Variants in SUCLA2 observed in about 807,000 individuals in gnomAD.
SUCLA2 encodes the protein succinate-CoA ligase ADP-forming subunit beta.
Under a neutral mutation model 54.8 loss-of-function variants are expected in SUCLA2, and 30 were observed. That is an observed-to-expected ratio of 0.55 (90% confidence interval 0.41 to 0.74). The LOEUF is 0.74. SUCLA2 is among the 30% of genes least tolerant of loss of function. The pLI is 0.00. For missense variants in SUCLA2, 476 were observed against 562.9 expected, an observed-to-expected ratio of 0.85 and a Z score of 1.56; for synonymous variants, 172 against 188.9, an observed-to-expected ratio of 0.91 and a Z score of 0.74.
intron 10 of SUCLA2, among the ~76,000 whole-genome samples, chr13:47,947,967 T>TA (rs1949746185): frequency 6.6e-6 from 1 of 152,192 alleles, no homozygotes; most frequent in Non-Finnish European, 1.5e-5. Context: ...TTCTGACCCT[T>TA]ACAAAGAACT....
chr13:47,969,204 T>C (rs1322582611), intron 5 of SUCLA2, among the ~76,000 whole-genome samples: 1 of 152,182 alleles, frequency 6.6e-6, no homozygotes, highest in Non-Finnish European at 1.5e-5. Context: ...AAACCCCATC[T>C]CTACTAAAAA....
intron 8 of SUCLA2, among the ~76,000 whole-genome samples, chr13:47,952,495 C>T (rs1481384482): frequency 2.0e-5 from 3 of 152,086 alleles, no homozygotes; most frequent in Admixed American, 6.6e-5. Context: ...ACCTATTCCT[C>T]GACTTTGCCT....
chr13:47,976,187 C>G (rs944020435), intron 4 of SUCLA2, among the ~76,000 whole-genome samples: 2 of 152,132 alleles, frequency 1.3e-5, no homozygotes, highest in African/African-American at 4.8e-5. Context: ...ATAGGAAGCC[C>G]AAGACCTTGC....
chr13:47,996,819 CA>C (rs1252653718), intron 2 of SUCLA2, 23 bp downstream of exon 2: 7 of 1,611,534 alleles, frequency 4.3e-6, no homozygotes, highest in African/African-American at 1.3e-5. Context: ...GTCAAGGTGG[CA>C]AAAGCTTTTC....
rs1280840215 is a variant in SUCLA2, at chr13:47,956,781, T to TA, written c.803-2225dup. 52 of 152,268 alleles carry TA rather than the reference T, an allele frequency of 3.4e-4. 1 individual carries two copies. The highest frequency in any genetic ancestry group is 6.5e-5 in the Admixed American group (1 of 15,300). 9.4% of individuals were successfully genotyped at this position (152,268 alleles called of 1,614,324 possible). A position where few individuals can be genotyped will look rare whatever the true frequency, so the allele number is the denominator to read the frequency against. On this transcript the variant is annotated intron_variant, in intron 6 of 10. Transcript: ENST00000646932. The stretch of plus-strand genomic sequence containing the variant: ...GAATGCTACTGGATAAACATCCTGT[T>TA]AAACATCCGACCAAGCACAGGACAG...
rs545991765 is a variant in SUCLA2 at position 47,963,591 on chromosome 13, G to C, written c.802+5004C>G. On this transcript the variant is annotated intron_variant, in intron 6 of 10. Coordinates refer to ENST00000646932, the MANE Select transcript of SUCLA2 (RefSeq NM_003850.3). ...ACCCGGGAGGCGGAGGTTGCAGTGA[G>C]CTGAGATCACGCCACTGCACTCCAG... 2.6e-5 allele frequency among the ~76,000 whole-genome samples: 4 copies of C among 152,208 alleles called. No individual in the cohort carries two copies. The South Asian group carries it at 8.3e-4, about 32-fold the overall frequency.
chr13:47,973,143 TA>T, intron 5 of SUCLA2, 120 bp downstream of exon 5: 1 of 844,592 alleles, frequency 1.2e-6, no homozygotes, highest in Non-Finnish European at 1.9e-6. Flanking sequence ...AACAAGTTAT[TA>T]ACTTTCCTGA....
At chr13:47,980,273 G>C (rs1338912698) in intron 4 of SUCLA2, among the ~76,000 whole-genome samples, 1 of 152,092 alleles carries the variant, frequency 6.6e-6, no homozygotes, top group Admixed American at 6.5e-5. Flanking sequence ...AAATTAGCTG[G>C]GCGTGGTGGC....
chr13:47,972,190 G>A (rs1949972203), intron 5 of SUCLA2: 1 of 268,350 alleles, frequency 3.7e-6, no homozygotes, highest in East Asian at 6.1e-5. Flanking sequence ...AGAAGGCAGA[G>A]GTTGGAGTGA....
At chr13:47,968,226 G>C (rs1034889691) in intron 6 of SUCLA2, among the ~76,000 whole-genome samples, 2 of 152,082 alleles carry the variant, frequency 1.3e-5, no homozygotes, top group Non-Finnish European at 1.5e-5. Context: ...ACCACATTTG[G>C]CTATTGAGTA....
At chr13:47,985,440 A>G (rs1213818736) in intron 4 of SUCLA2, among the ~76,000 whole-genome samples, 1 of 126,176 alleles carries the variant, frequency 7.9e-6, no homozygotes, top group East Asian at 2.3e-4. Context: ...CCTTGTGTCC[A>G]TGTGTTCTCA....
intron 4 of SUCLA2, among the ~76,000 whole-genome samples, chr13:47,973,883 G>T (rs1949987712): frequency 6.6e-6 from 1 of 152,052 alleles, no homozygotes; most frequent in Non-Finnish European, 1.5e-5. Context: ...AGTGGGAACT[G>T]AACAATGAGA....
Position 47,949,032 on chromosome 13 carries a change from T to C in SUCLA2, c.1229-4A>G. 6.2e-7 allele frequency: 1 copy of C among 1,612,966 alleles called. No individual in the cohort carries two copies. Among genetic ancestry groups the C allele is most frequent in the Non-Finnish European group, 8.5e-7 (1 of 1,179,048 alleles). ...TTAGCATCATCGACTCGTGTACCTG[T>C]AAATGATTTATGCAAATATAAATGT... On this transcript the variant is annotated splice_region_variant and splice_polypyrimidine_tract_variant and intron_variant, in intron 9 of 10. Transcript: ENST00000646932.
intron 8 of SUCLA2, 106 bp from the exon 9 acceptor site, chr13:47,949,709 A>G: frequency 1.6e-6 from 2 of 1,225,914 alleles, no homozygotes. Flanking sequence ...ACTTGATAGA[A>G]AGATTTTCAG....
chr13:47,979,382 A>G (rs909322030), intron 4 of SUCLA2, among the ~76,000 whole-genome samples: 3 of 152,136 alleles, frequency 2.0e-5, no homozygotes, highest in African/African-American at 7.2e-5. Context: ...GCAAGCTAAC[A>G]CAGAAACAGA....
intron 4 of SUCLA2, among the ~76,000 whole-genome samples, chr13:47,987,323 C>T (rs1339852408): frequency 1.3e-5 from 2 of 152,000 alleles, no homozygotes; most frequent in African/African-American, 2.4e-5. Flanking sequence ...TTTCTGGCTA[C>T]TGTAACAAAA....
At chr13:47,957,251 G>C (rs1166585640) in intron 6 of SUCLA2, among the ~76,000 whole-genome samples, 1 of 152,122 alleles carries the variant, frequency 6.6e-6, no homozygotes, top group African/African-American at 2.4e-5. Flanking sequence ...ACTGAGCTCC[G>C]ATCTCCTCAG....
chr13:47,983,458 A>C (rs1593497390), intron 4 of SUCLA2, among the ~76,000 whole-genome samples: 1 of 151,640 alleles, frequency 6.6e-6, no homozygotes, highest in African/African-American at 2.4e-5. Flanking sequence ...TCTTTAAAAT[A>C]TTCTAACATT....
At position 47,948,922 on chromosome 13, in the gene SUCLA2, T is replaced by C; in HGVS notation, c.1317+18A>G. 6.2e-7 allele frequency: 1 copy of C among 1,611,868 alleles called. No individual in the cohort carries two copies. The highest frequency in any genetic ancestry group is 1.1e-5 in the South Asian group (1 of 91,046). On this transcript the variant is annotated intron_variant, in intron 10 of 10. Coordinates refer to ENST00000646932, the MANE Select transcript of SUCLA2 (RefSeq NM_003850.3). ...TCTGTGTTTATAAATCCTCCTTAGA[T>C]GAACATGGCCAATTTACCATTCTAG...
Sources: gnomAD v4.1 joint callset for allele counts (sites outside exome capture counted in the v4.1 genomes callset) on GRCh38, gnomAD v4.1.1 for gene constraint, MANE v1.5 for transcripts, NCBI Gene and HGNC (gene_info 2026-07-23, HGNC 2026-07-21) for gene names.